The following MTMR8 variants were observed in gnomAD, a reference collection of about 807,000 sequenced individuals.
MTMR8 encodes phosphatidylinositol-3,5-bisphosphate 3-phosphatase MTMR8.
Under a neutral mutation model 39.3 loss-of-function variants are expected in MTMR8, and 65 were observed. That is an observed-to-expected ratio of 1.65 (90% CI 1.35 to 2.03). The LOEUF is 2.03. MTMR8 is among the 30% of genes most tolerant of loss of function. MTMR8 has a pLI of 0.00. For synonymous variants in MTMR8, 245 were observed against 185.2 expected (o/e 1.32, Z -2.62); for missense variants, 777 against 538.9 (o/e 1.44, Z -4.37).
intron 12 of MTMR8, among the ~76,000 whole-genome samples, chrX:64,285,956 G>A (rs932585405): frequency 8.1e-5 from 9 of 111,211 alleles, no homozygotes; most frequent in Non-Finnish European, 1.7e-4. Flanking sequence ...GCTAGCAGAA[G>A]GCAAGAAATA....
intron 4 of MTMR8, among the ~76,000 whole-genome samples, chrX:64,353,006 C>T (rs750009108): frequency 1.3e-4 from 14 of 111,696 alleles, no homozygotes; most frequent in Non-Finnish European, 2.6e-4. Context: ...CACTTCCTGA[C>T]CTCCTTCCTT....
intron 6 of MTMR8, among the ~76,000 whole-genome samples, chrX:64,347,796 A>G (rs764859922): frequency 4.5e-4 from 51 of 112,667 alleles, no homozygotes; most frequent in Non-Finnish European, 8.8e-4. Context: ...GTGGGACACA[A>G]TGAGTTCTTC....
rs1327345621 is a variant in MTMR8 at position 64,268,888 on chromosome X, T to C, written c.1764A>G (p.Leu588=). ...DLNTLMENGT[L]SREGGLRAQM... ...GAGCTCGGAGGCCTCCTTCCCTGGA[T>C]AGGGTGCCATTCTCCATCAGGGTAT... The change falls in exon 14 of 14, where the codon CTA becomes CTG. Residue 588 remains leucine, a synonymous_variant. Transcript: ENST00000374852. 8.3e-7 allele frequency: 1 copy of C among 1,211,611 alleles called. No homozygotes were observed.
At chrX:64,294,468 A>C in intron 12 of MTMR8, among the ~76,000 whole-genome samples, 1 of 111,774 alleles carries the variant, frequency 8.9e-6, no homozygotes, top group African/African-American at 3.2e-5. Flanking sequence ...TATATTGATA[A>C]AATCCTCCTT....
At chrX:64,276,054 G>T (rs1430682664) in intron 12 of MTMR8, among the ~76,000 whole-genome samples, 1 of 111,811 alleles carries the variant, frequency 8.9e-6, no homozygotes, top group Non-Finnish European at 1.9e-5. Flanking sequence ...TTTAAATTGT[G>T]TCTATTTGAT....
At chrX:64,351,851 C>A (rs1923494859) in intron 4 of MTMR8, among the ~76,000 whole-genome samples, 1 of 111,096 alleles carries the variant, frequency 9.0e-6, no homozygotes, top group Admixed American at 9.5e-5. Context: ...CTTTTTCTAG[C>A]TGCACTGGCA....
At chrX:64,279,187 A>C (rs999370758) in intron 12 of MTMR8, among the ~76,000 whole-genome samples, 61 of 111,691 alleles carry the variant, frequency 5.5e-4, no homozygotes, top group African/African-American at 1.9e-3. Flanking sequence ...CTTCCCCCTA[A>C]CACTTCTCAA....
At chrX:64,271,220 A>G in intron 12 of MTMR8, 147 bp from the exon 13 acceptor site, 1 of 551,046 alleles carries the variant, frequency 1.8e-6, no homozygotes, top group Non-Finnish European at 2.6e-6. Flanking sequence ...AAAAGCCTGG[A>G]CATGCTCATA....
intron 1 of MTMR8, among the ~76,000 whole-genome samples, chrX:64,394,270 C>G (rs948645038): frequency 8.9e-6 from 1 of 111,790 alleles, no homozygotes; most frequent in East Asian, 2.8e-4. Context: ...GTGAGAATTA[C>G]GGAAGCTACA....
intron 12 of MTMR8, among the ~76,000 whole-genome samples, chrX:64,325,727 C>T (rs1051278249): frequency 1.8e-5 from 2 of 112,057 alleles, no homozygotes; most frequent in African/African-American, 6.5e-5. Context: ...AGATAGGGAA[C>T]AAGACAACAA....
intron 12 of MTMR8, among the ~76,000 whole-genome samples, chrX:64,312,562 T>G (rs1436948149): frequency 8.9e-6 from 1 of 112,401 alleles, no homozygotes; most frequent in Non-Finnish European, 1.9e-5. Flanking sequence ...ATGACATGAT[T>G]GTATATTTAG....
intron 1 of MTMR8, among the ~76,000 whole-genome samples, chrX:64,364,382 G>T (rs758407568): frequency 8.9e-6 from 1 of 111,873 alleles, no homozygotes; most frequent in Non-Finnish European, 1.9e-5. Context: ...CTGGAATGAA[G>T]CTTACAGAAG....
chrX:64,382,487 C>T (rs1245774421), intron 1 of MTMR8, among the ~76,000 whole-genome samples: 1 of 111,527 alleles, frequency 9.0e-6, no homozygotes, highest in Non-Finnish European at 1.9e-5. Flanking sequence ...TGCCTATCAG[C>T]CTAAGGAGAT....
intron 12 of MTMR8, chrX:64,306,144 C>T (rs756632067): frequency 3.9e-6 from 1 of 256,360 alleles, no homozygotes; most frequent in Non-Finnish European, 7.7e-6. Flanking sequence ...ATAAAGGTTT[C>T]ACAACTCCAA....
rs1274921684 is a variant in MTMR8 at position 64,268,151 on chromosome X, A to T, written c.*386T>A. ...TATACCATCTCTCCATACCCTCAAA[A>T]GGGTCATTATTGACCATTGTGACAA... On this transcript the variant is annotated 3_prime_UTR_variant, in exon 14 of 14. Transcript: ENST00000374852. The T allele has an allele frequency of 6.4e-6, 1 of 157,199 alleles. No individual in the cohort carries two copies. Among genetic ancestry groups the T allele is most frequent in the African/African-American group, 3.1e-5 (1 of 32,374 alleles). The allele number at this position is 157,199 out of a possible 1,213,427, so 13.0% of individuals were successfully genotyped here.
intron 1 of MTMR8, among the ~76,000 whole-genome samples, chrX:64,376,993 GC>G (rs770570460): frequency 9.8e-5 from 11 of 111,941 alleles, no homozygotes; most frequent in Non-Finnish European, 2.1e-4. Context: ...GTCTCAGGAT[GC>G]TGCTCCAGAG....
intron 1 of MTMR8, among the ~76,000 whole-genome samples, chrX:64,367,200 T>C (rs907807394): frequency 1.4e-3 from 157 of 111,843 alleles, no homozygotes; most frequent in African/African-American, 4.9e-3. Flanking sequence ...GCTGGCACCA[T>C]CCTTTCTGAA....
chrX:64,323,005 T>C (rs1922694196), intron 12 of MTMR8, among the ~76,000 whole-genome samples: 2 of 112,831 alleles, frequency 1.8e-5, no homozygotes, highest in South Asian at 7.3e-4. Context: ...TGCAACCCTG[T>C]GCGCTCACTA....
intron 12 of MTMR8, among the ~76,000 whole-genome samples, chrX:64,318,061 A>G (rs1922522023): frequency 8.9e-6 from 1 of 112,423 alleles, no homozygotes; most frequent in Non-Finnish European, 1.9e-5. Flanking sequence ...CAGACTCTCC[A>G]CTAGCCTTCC....
Sources: allele counts gnomAD v4.1 joint callset (sites outside exome capture counted in the v4.1 genomes callset), GRCh38; gene constraint gnomAD v4.1.1; transcripts MANE v1.5; gene names NCBI Gene and HGNC (gene_info 2026-07-23, HGNC 2026-07-21).